The following ASCC1 variants were observed in gnomAD, a reference collection of about 807,000 sequenced individuals.
ASCC1 encodes activating signal cointegrator 1 complex subunit 1.
Under a neutral mutation model 46.6 loss-of-function variants are expected in ASCC1, and 35 were observed. The ratio of observed to expected loss-of-function variants is 0.75; its 90% CI spans 0.57 to 0.99. The LOEUF (loss-of-function observed/expected upper bound fraction) is 0.99, where lower values mean the gene tolerates loss of function less well. Ranked by LOEUF, ASCC1 falls within the 50% of genes least tolerant of loss-of-function variation. The probability of loss-of-function intolerance (pLI) is 0.00; values close to 1 mark genes in which losing one functional copy is unlikely to be tolerated. For missense variants in ASCC1, 376 were observed against 428.7 expected, an observed-to-expected ratio of 0.88 and a Z score of 1.09; for synonymous variants, 143 against 146.6, an observed-to-expected ratio of 0.98 and a Z score of 0.18.
intron 5 of ASCC1, among the ~76,000 whole-genome samples, chr10:72,191,694 T>C (rs1854529650): frequency 6.6e-6 from 1 of 152,042 alleles, no homozygotes; most frequent in Non-Finnish European, 1.5e-5. Flanking sequence ...TTGCCCAGGC[T>C]ACAGTACAAT....
chr10:72,197,467 CAAAAAAAAAAA>C (rs59460393), intron 4 of ASCC1, among the ~76,000 whole-genome samples: 4 of 51,364 alleles, frequency 7.8e-5, no homozygotes, highest in African/African-American at 3.2e-4. Flanking sequence ...GACTCTATCT[CAAAAAAAAAAA>C]AAAAAAAAAA....
intron 9 of ASCC1, among the ~76,000 whole-genome samples, chr10:72,110,007 T>C (rs1312512173): frequency 6.6e-6 from 1 of 152,232 alleles, no homozygotes; most frequent in Non-Finnish European, 1.5e-5. Context: ...GGCATGGGTA[T>C]TACTGCTTTA....
intron 5 of ASCC1, among the ~76,000 whole-genome samples, chr10:72,186,689 A>G (rs1331369729): frequency 6.6e-6 from 1 of 152,118 alleles, no homozygotes; most frequent in African/African-American, 2.4e-5. Context: ...TCCCTTACTG[A>G]TTTCCTCTTT....
In ASCC1 at chr10:72,210,776, T is replaced by C. The variant is rs755104581; in HGVS notation, c.168A>G (p.Pro56=). Residue 56 remains proline, a synonymous_variant, in exon 3 of 10, where the codon CCA becomes CCG. Transcript: ENST00000672957. ...CCCTCAAAGTAGACCGGAATCCTTG[T>C]GGGGTCTGCTCCACCTCGTAGGCAT... The part of the protein sequence containing the change: ...PCDAYEVEQT[P]QGFRSTLRAP... 2 of 1,614,116 alleles carry C rather than the reference T, an allele frequency of 1.2e-6. No individual in the cohort carries two copies. Among genetic ancestry groups the C allele is most frequent in the Non-Finnish European group, 1.7e-6 (2 of 1,180,002 alleles).
intron 5 of ASCC1, among the ~76,000 whole-genome samples, chr10:72,168,739 G>T (rs1254073069): frequency 9.2e-5 from 14 of 152,178 alleles, no homozygotes; most frequent in Non-Finnish European, 1.5e-5. Context: ...AACACCATGA[G>T]TGAGAAAGCA....
chr10:72,128,123 A>G lies in ASCC1; in HGVS notation c.916T>C (p.Phe306Leu). The stretch of plus-strand genomic sequence containing the variant: ...CCATCAAATGATTCTCTTTCCTTGA[A>G]GATATATTTGCCTTCCGCTGTGTAG... ...NLYTAEGKYI[F>L]KERESFDGRN... Residue 306 changes from phenylalanine to leucine, a missense_variant, in exon 9 of 10, where the codon TTC (phenylalanine) becomes CTC (leucine). Coordinates refer to ENST00000672957, the MANE Select transcript of ASCC1 (RefSeq NM_001198800.3). 4 of 1,614,028 alleles carry G rather than the reference A, an allele frequency of 2.5e-6. No individual in the cohort carries two copies. Among genetic ancestry groups the G allele is most frequent in the Non-Finnish European group, 3.4e-6 (4 of 1,179,946 alleles).
At chr10:72,135,505 A>G (rs1442584442) in intron 7 of ASCC1, among the ~76,000 whole-genome samples, 1 of 152,246 alleles carries the variant, frequency 6.6e-6, no homozygotes, top group African/African-American at 2.4e-5. Context: ...ACTGAGGAAT[A>G]GAAAGGATGC....
chr10:72,191,534 G>C (rs12244312), intron 5 of ASCC1, among the ~76,000 whole-genome samples: 20,746 of 151,658 alleles, frequency 0.14, 4,049 homozygotes, highest in African/African-American at 0.43. Flanking sequence ...AATGAACCAT[G>C]ACCTAAATAT....
At chr10:72,159,997 C>T (rs1008627889) in intron 6 of ASCC1, among the ~76,000 whole-genome samples, 6 of 151,510 alleles carry the variant, frequency 4.0e-5, no homozygotes, top group African/African-American at 1.2e-4. Context: ...CTCCGCCTCC[C>T]GGGTTCACGC....
intron 9 of ASCC1, among the ~76,000 whole-genome samples, chr10:72,101,470 G>A (rs1841752248): frequency 6.6e-6 from 1 of 152,116 alleles, no homozygotes; most frequent in Non-Finnish European, 1.5e-5. Flanking sequence ...CAGGTATAGG[G>A]CGTAACACAG....
At chr10:72,138,329 CGAA>C (rs1195255280) in intron 7 of ASCC1, among the ~76,000 whole-genome samples, 1 of 152,084 alleles carries the variant, frequency 6.6e-6, no homozygotes, top group Non-Finnish European at 1.5e-5. Flanking sequence ...ACATGAAACA[CGAA>C]GCATGAAATA....
At chr10:72,103,244 T>C (rs1309197687) in intron 9 of ASCC1, among the ~76,000 whole-genome samples, 2 of 151,530 alleles carry the variant, frequency 1.3e-5, no homozygotes, top group Non-Finnish European at 2.9e-5. Context: ...GCCATTCTCC[T>C]GCCTCAGCCT....
intron 2 of ASCC1, chr10:72,212,237 CG>C: frequency 5.4e-6 from 1 of 186,638 alleles, no homozygotes; most frequent in Non-Finnish European, 1.2e-5. Flanking sequence ...TGCTTGAACC[CG>C]GGAGGTAGAG....
chr10:72,207,507 C>T (rs1857389181), intron 3 of ASCC1, among the ~76,000 whole-genome samples: 1 of 152,156 alleles, frequency 6.6e-6, no homozygotes, highest in African/African-American at 2.4e-5. Context: ...GAAATTCCTA[C>T]CAGGTCAAGT....
intron 9 of ASCC1, among the ~76,000 whole-genome samples, chr10:72,127,384 C>T (rs1214580704): frequency 6.6e-6 from 1 of 152,146 alleles, no homozygotes; most frequent in Non-Finnish European, 1.5e-5. Flanking sequence ...CCTTTACTTA[C>T]ATTTCATAGA....
chr10:72,175,005 C>G (rs1309610933), intron 5 of ASCC1, among the ~76,000 whole-genome samples: 2 of 152,224 alleles, frequency 1.3e-5, no homozygotes, highest in African/African-American at 4.8e-5. Context: ...TTCCCCTATA[C>G]TCGTTGTATT....
At chr10:72,190,823 C>G (rs1460920392) in intron 5 of ASCC1, among the ~76,000 whole-genome samples, 1 of 151,396 alleles carries the variant, frequency 6.6e-6, no homozygotes, top group African/African-American at 2.4e-5. Flanking sequence ...TGGTGAAACC[C>G]CATCTCTATT....
intron 9 of ASCC1, among the ~76,000 whole-genome samples, chr10:72,100,928 T>C (rs1304400943): frequency 2.0e-5 from 3 of 152,184 alleles, no homozygotes; most frequent in Admixed American, 1.3e-4. Context: ...TTGTCTAGAC[T>C]GAATTTAAAG....
intron 1 of ASCC1, among the ~76,000 whole-genome samples, chr10:72,214,690 T>C (rs2133569075): frequency 6.6e-6 from 1 of 151,972 alleles, no homozygotes; most frequent in South Asian, 2.1e-4. Context: ...TCTTTCTATC[T>C]AGCAAGATAA....
Sources: gnomAD v4.1 joint callset for allele counts (sites outside exome capture counted in the v4.1 genomes callset) on GRCh38, gnomAD v4.1.1 for gene constraint, MANE v1.5 for transcripts, NCBI Gene and HGNC (gene_info 2026-07-23, HGNC 2026-07-21) for gene names.